ATPAF2: variants seen among roughly 807,000 people sequenced by gnomAD.
The protein encoded by ATPAF2 is ATP synthase mitochondrial F1 complex assembly factor 2, also known as ATP12 homolog.
ATPAF2 carries 30 observed loss-of-function variants against 36.6 expected under a neutral mutation model. The ratio of observed to expected loss-of-function variants is 0.82; its 90% CI spans 0.61 to 1.11. The LOEUF is 1.11. Ranked by LOEUF, ATPAF2 falls within the 50% of genes most tolerant of loss-of-function variation. ATPAF2 has a pLI of 0.00. For missense variants in ATPAF2, 321 were observed against 372.3 expected, an observed-to-expected ratio of 0.86 and a Z score of 1.13; for synonymous variants, 140 against 152.6, an observed-to-expected ratio of 0.92 and a Z score of 0.61.
intron 1 of ATPAF2, among the ~76,000 whole-genome samples, chr17:18,035,238 A>AAC (rs1160337710): frequency 1.3e-4 from 20 of 152,082 alleles, no homozygotes; most frequent in African/African-American, 4.8e-4. Flanking sequence ...CTTAAAAACA[A>AAC]AAAAAAACAA....
intron 1 of ATPAF2, 131 bp downstream of exon 1, chr17:18,038,750 A>G: frequency 4.5e-6 from 6 of 1,341,374 alleles, no homozygotes; most frequent in Non-Finnish European, 6.2e-6. Flanking sequence ...CATCTGTAAA[A>G]AGACCTGACT....
Position 18,024,687 on chromosome 17 carries a change from G to A in ATPAF2, c.440C>T (p.Pro147Leu), listed in dbSNP as rs2044519835. Residue 147 changes from proline (P) to leucine (L), a missense_variant, in exon 5 of 8, where the codon CCC becomes CTC. This residue lies in a region of ATPAF2 where 199 missense variants were observed against 220.6 expected (regional missense o/e 0.90). Transcript: ENST00000474627. ...CCTTTGAAGTTCCACTAATGTCTCG[G>A]GCTCCTCCACCCTGTAGCTAATTCA... ...TDTICYRVEE[P>L]ETLVELQRNE... is the part of the protein sequence containing the mutation. 1.2e-6 allele frequency: 2 copies of A among 1,613,692 alleles called. No homozygotes were observed. Among genetic ancestry groups the A allele is most frequent in the Non-Finnish European group, 8.5e-7 (1 of 1,179,756 alleles).
Position 18,038,971 on chromosome 17 carries a change from G to T in ATPAF2, c.43C>A (p.Leu15Ile). The T allele has an allele frequency of 1.9e-6, 3 of 1,613,050 alleles. No homozygotes were observed. Among genetic ancestry groups the T allele is most frequent in the Non-Finnish European group, 1.7e-6 (2 of 1,179,594 alleles). Reference protein sequence around the residue: ...CLRLRDGGRRLLNRPAGGPSA... With the variant: ...CLRLRDGGRRILNRPAGGPSA... ...GGGCCACCCGCCGGCCGATTCAGGA[G>T]ACGGCGTCCCCCGTCCCGCAGCCGG... Residue 15 changes from leucine (L) to isoleucine (I), a missense_variant, in exon 1 of 8, where the codon CTC (leucine) becomes ATC (isoleucine). Coordinates refer to ENST00000474627, the MANE Select transcript of ATPAF2 (RefSeq NM_145691.4).
At chr17:18,017,568 C>T (rs1031156063), downstream of ATPAF2, among the ~76,000 whole-genome samples, 9 of 152,372 alleles carry the variant, frequency 5.9e-5, no homozygotes, top group African/African-American at 2.2e-4. Context: ...CCCAGCTCCA[C>T]CATGTCACCC....
At chr17:18,021,937 C>G in intron 5 of ATPAF2, 80 bp from the exon 6 acceptor site, 1 of 1,251,936 alleles carries the variant, frequency 8.0e-7, no homozygotes, top group Non-Finnish European at 1.2e-6. Context: ...AAACAAAGGC[C>G]TAAGCTTCAG....
intron 1 of ATPAF2, 59 bp from the exon 2 acceptor site, chr17:18,028,718 C>G (rs569814165): frequency 6.8e-7 from 1 of 1,476,054 alleles, no homozygotes; most frequent in Middle Eastern, 1.7e-4. Flanking sequence ...ACTCAGGAAG[C>G]GACAGGACCA....
chr17:18,033,410 T>A (rs531577723), intron 1 of ATPAF2, among the ~76,000 whole-genome samples: 1 of 147,344 alleles, frequency 6.8e-6, no homozygotes, highest in African/African-American at 2.5e-5. Context: ...GTTTGGGGGA[T>A]CCATGTTCCC....
In ATPAF2 at chr17:18,031,474, TAGAC is replaced by T. The variant is rs1032493803; in HGVS notation, c.134-2819_134-2816del. 1.2e-4 allele frequency among the ~76,000 whole-genome samples: 18 copies of T among 152,014 alleles called. No homozygotes were observed. In the East Asian group the frequency reaches 2.1e-3, roughly 18 times the overall value. On this transcript the variant is annotated intron_variant, in intron 1 of 7. Coordinates refer to ENST00000474627, the MANE Select transcript of ATPAF2 (RefSeq NM_145691.4). ...ACTTGGGATACAAGAGTGAATAAAATAGACAGAGTTTAAAGTGTTTTTTTAGGCC... is the reference window on the plus strand; with the variant it reads ...ACTTGGGATACAAGAGTGAATAAAATAGAGTTTAAAGTGTTTTTTTAGGCC...
intron 3 of ATPAF2, among the ~76,000 whole-genome samples, chr17:18,027,298 C>T (rs2044561841): frequency 6.6e-6 from 1 of 151,962 alleles, no homozygotes; most frequent in South Asian, 2.1e-4. Context: ...TCGTTTGTAG[C>T]CCTAATCACC....
In ATPAF2 at chr17:18,034,220, T is replaced by C. The variant is rs185637704; in HGVS notation, c.133+4661A>G. On this transcript the variant is annotated intron_variant, in intron 1 of 7. Transcript: ENST00000474627. ...GAGTTTGAGACCAGCCTGGGCAACA[T>C]AGCAAGACCCTGTCTGTACAAAAAA... Among the ~76,000 whole-genome samples the C allele has an allele frequency of 3.4e-3, 507 of 150,878 alleles. 3 individuals are homozygous for C. The highest frequency in any genetic ancestry group is 9.9e-3 in the South Asian group (47 of 4,754).
chr17:18,019,733 C>T (rs570391257), intron 7 of ATPAF2, among the ~76,000 whole-genome samples: 7 of 152,266 alleles, frequency 4.6e-5, no homozygotes, highest in African/African-American at 1.7e-4. Flanking sequence ...TCAGAATCCA[C>T]CATGCTACAC....
At chr17:18,024,556 C>A in intron 5 of ATPAF2, 68 bp downstream of exon 5, 1 of 1,358,484 alleles carries the variant, frequency 7.4e-7, no homozygotes, top group Admixed American at 1.7e-5. Context: ...CAGCGTGACC[C>A]CCTGACCCCT....
At chr17:18,021,878 G>C (rs979498082) in intron 5 of ATPAF2, 21 bp from the exon 6 acceptor site, 5 of 1,603,254 alleles carry the variant, frequency 3.1e-6, no homozygotes, top group Middle Eastern at 1.7e-4. Flanking sequence ...AAGGGCTTCG[G>C]CATGTCTCTG....
chr17:18,016,530 G>A (rs1235312842), downstream of ATPAF2: 24 of 1,472,388 alleles, frequency 1.6e-5, no homozygotes, highest in Non-Finnish European at 2.3e-5. Context: ...TCTGATGTAA[G>A]GAATCGGGCT....
In ATPAF2 at chr17:18,028,618, C is replaced by T; in HGVS notation, c.175G>A (p.Glu59Lys). The T allele has an allele frequency of 1.9e-6, 3 of 1,609,026 alleles. No homozygotes were observed. Among genetic ancestry groups the T allele is most frequent in the Non-Finnish European group, 2.5e-6 (3 of 1,177,430 alleles). Residue 59 changes from glutamate (E) to lysine (K), a missense_variant, in exon 2 of 8, where the codon GAA (glutamate) becomes AAA (lysine). By Grantham distance (56) the Glu-to-Lys change is moderately conservative (BLOSUM62 1). Around this residue, in one of 3 missense-constraint regions of ATPAF2, gnomAD observed 53 missense variants for 91.6 expected, o/e 0.58. Transcript: ENST00000474627. ...AGTCAAAATTTCAGACACTCACCTTCACCCTGTGTGATGCTGACATTCTGA... is the reference window on the plus strand; with the variant it reads ...AGTCAAAATTTCAGACACTCACCTTTACCCTGTGTGATGCTGACATTCTGA... ...FYQNVSITQGEGGFEINLDHR... is the reference protein window; with the variant it reads ...FYQNVSITQGKGGFEINLDHR...
intron 7 of ATPAF2, among the ~76,000 whole-genome samples, chr17:18,019,147 CCACACA>C (rs138932269): frequency 7.0e-4 from 95 of 135,658 alleles, no homozygotes; most frequent in African/African-American, 2.1e-3. Context: ...CTCAAAAACA[CCACACA>C]CACACACACA....
downstream of ATPAF2, among the ~76,000 whole-genome samples, chr17:18,017,251 G>A (rs924229442): frequency 6.9e-5 from 10 of 145,762 alleles, no homozygotes; most frequent in Middle Eastern, 3.6e-3. Flanking sequence ...ATGAACAGCC[G>A]GTCCCAGGCC....
At chr17:18,026,083 GC>G (rs2044540951) in intron 4 of ATPAF2, 3 of 603,888 alleles carry the variant, frequency 5.0e-6, no homozygotes, top group Admixed American at 2.5e-5. Context: ...CACCCTCCCA[GC>G]CTAAGGAGCA....
At chr17:18,021,490 G>A (rs1174488578) in intron 6 of ATPAF2, 1 of 628,986 alleles carries the variant, frequency 1.6e-6, no homozygotes, top group Non-Finnish European at 2.9e-6. Context: ...ATTGGTTCAT[G>A]GATGGACATG....
Sources: allele counts gnomAD v4.1 joint callset (sites outside exome capture counted in the v4.1 genomes callset), GRCh38; gene constraint gnomAD v4.1.1; regional missense constraint gnomAD v4.1.1; transcripts MANE v1.5; gene names NCBI Gene and HGNC (gene_info 2026-07-23, HGNC 2026-07-21).